Variants in GOLIM4 observed in about 807,000 individuals in gnomAD.
GOLIM4 encodes the protein 130 kDa golgi-localized phosphoprotein.
In GOLIM4, 71 loss-of-function variants were observed where a neutral mutation model predicts 107.4. The observed-to-expected ratio is 0.66, with a 90% CI of 0.55 to 0.81. GOLIM4 has a LOEUF of 0.81. Among genes scored for constraint, GOLIM4 ranks in the 30% least tolerant of loss-of-function variants. GOLIM4 has a pLI of 0.00. For missense variants in GOLIM4, 830 were observed against 826.1 expected, an observed-to-expected ratio of 1.00 and a Z score of -0.06; for synonymous variants, 327 against 294.8, an observed-to-expected ratio of 1.11 and a Z score of -1.12.
intron 14 of GOLIM4, among the ~76,000 whole-genome samples, chr3:168,024,060 G>A (rs1300713407): frequency 2.0e-5 from 3 of 152,188 alleles, no homozygotes; most frequent in Non-Finnish European, 4.4e-5. Flanking sequence ...GAGGCCAGAA[G>A]GAGAGACTGT....
intron 1 of GOLIM4, among the ~76,000 whole-genome samples, chr3:168,067,513 TAAA>T (rs201207512): frequency 1.5e-5 from 2 of 135,726 alleles, no homozygotes; most frequent in Non-Finnish European, 1.6e-5. Flanking sequence ...TGCCTTTAAT[TAAA>T]AAAAAAAAAA....
chr3:168,060,818 G>C (rs1720226852), intron 1 of GOLIM4, among the ~76,000 whole-genome samples: 1 of 152,142 alleles, frequency 6.6e-6, no homozygotes, highest in Non-Finnish European at 1.5e-5. Flanking sequence ...TTTTCTAGGG[G>C]AGTTTTGTCA....
In GOLIM4 at chr3:168,032,718, T is replaced by C. The variant is rs1360200002; in HGVS notation, c.978A>G (p.Glu326=). The change falls in exon 9 of 16, where the codon GAA becomes GAG. Residue 326 remains glutamate, a synonymous_variant. Transcript: ENST00000470487. ...APPEPIQQEV[E]RREPEEHQVE... ...CCTGATGCTCCTCAGGTTCTCTGCG[T>C]TCCACTTCTTGTTGGATTGGCTCTG... 2.9e-5 allele frequency: 47 copies of C among 1,614,032 alleles called. No homozygotes were observed. The highest frequency in any genetic ancestry group is 3.8e-5 in the Non-Finnish European group (45 of 1,180,038).
intron 1 of GOLIM4, among the ~76,000 whole-genome samples, chr3:168,065,317 G>T (rs928219954): frequency 6.6e-6 from 1 of 152,178 alleles, no homozygotes; most frequent in African/African-American, 2.4e-5. Flanking sequence ...AGTAAGAGAG[G>T]AAAGATTCAG....
At chr3:168,077,764 A>AT (rs1007832674) in intron 1 of GOLIM4, among the ~76,000 whole-genome samples, 5 of 152,164 alleles carry the variant, frequency 3.3e-5, no homozygotes, top group Non-Finnish European at 5.9e-5. Flanking sequence ...CAGAATGAGA[A>AT]TTTTTTTAAT....
chr3:168,029,673 A>G, intron 10 of GOLIM4, 107 bp downstream of exon 10: 1 of 1,271,804 alleles, frequency 7.9e-7, no homozygotes. Flanking sequence ...TTTGAGCAAT[A>G]TGAGCCCCTT....
At chr3:168,050,790 A>T (rs1454735960) in intron 1 of GOLIM4, among the ~76,000 whole-genome samples, 2 of 150,670 alleles carry the variant, frequency 1.3e-5, no homozygotes, top group East Asian at 3.9e-4. Flanking sequence ...AGTCCCCAGT[A>T]TAGGCGGAAA....
At chr3:168,030,143 G>T (rs1256291213) in intron 9 of GOLIM4, 107 bp from the exon 10 acceptor site, 3 of 1,091,670 alleles carry the variant, frequency 2.7e-6, no homozygotes, top group African/African-American at 1.6e-5. Flanking sequence ...GTTTATTAAC[G>T]ACTATTTGTC....
At chr3:168,043,645 G>T in intron 4 of GOLIM4, 116 bp from the exon 5 acceptor site, 1 of 705,600 alleles carries the variant, frequency 1.4e-6, no homozygotes, top group South Asian at 2.7e-5. Context: ...AACACATGAA[G>T]AAATAGGCTT....
chr3:168,060,135 A>G (rs1720183405), intron 1 of GOLIM4, among the ~76,000 whole-genome samples: 1 of 150,164 alleles, frequency 6.7e-6, no homozygotes, highest in African/African-American at 2.5e-5. Context: ...GGGTCTCACT[A>G]TGTTGCCTAG....
chr3:168,044,164 C>T (rs1242228043), intron 4 of GOLIM4, among the ~76,000 whole-genome samples: 10 of 152,124 alleles, frequency 6.6e-5, no homozygotes. Context: ...AGAAAAGATT[C>T]CGGTTTCAAT....
intron 6 of GOLIM4, 142 bp from the exon 7 acceptor site, chr3:168,041,011 G>A (rs367768632): frequency 5.4e-5 from 33 of 609,422 alleles, no homozygotes; most frequent in African/African-American, 3.1e-4. Flanking sequence ...AAAAATCATC[G>A]TAGAGAGAAC....
chr3:168,024,857 C>A (rs1252570453), intron 13 of GOLIM4, 71 bp downstream of exon 13: 7 of 1,459,512 alleles, frequency 4.8e-6, no homozygotes, highest in Admixed American at 1.7e-5. Flanking sequence ...ATATGACTAA[C>A]CTTTTACATA....
chr3:168,010,085 C>A lies in GOLIM4; in HGVS notation c.*184G>T. On this transcript the variant is annotated 3_prime_UTR_variant, in exon 16 of 16. Transcript: ENST00000470487. ...ATGTTTAGCTTGAATATAAAAGAAG[C>A]TCTAGACCTACGTTATCAAAATATA... 1 of 466,996 alleles carries A rather than the reference C, an allele frequency of 2.1e-6. No individual in the cohort carries two copies. Among genetic ancestry groups the A allele is most frequent in the Non-Finnish European group, 3.7e-6 (1 of 269,960 alleles). The allele number at this position is 466,996 out of a possible 1,614,324, so 28.9% of individuals were successfully genotyped here.
intron 1 of GOLIM4, among the ~76,000 whole-genome samples, chr3:168,060,094 TAG>T (rs993802380): frequency 1.4e-5 from 2 of 142,860 alleles, no homozygotes; most frequent in African/African-American, 2.9e-5. Flanking sequence ...TGGGAACCAT[TAG>T]AGAGTTTTTT....
intron 1 of GOLIM4, among the ~76,000 whole-genome samples, chr3:168,084,024 GGCTCTGAGTTGTAATTCCCAATGTT>G (rs1341630465): frequency 6.6e-6 from 1 of 152,122 alleles, no homozygotes; most frequent in African/African-American, 2.4e-5. Context: ...GATATGGTTT[GGCTCTGAGTTGTAATTCCCAATGTT>G]GCAGGAGAGG....
intron 1 of GOLIM4, 110 bp downstream of exon 1, chr3:168,094,989 G>A: frequency 1.3e-6 from 1 of 769,880 alleles, no homozygotes; most frequent in South Asian, 1.8e-5. Context: ...GTCCCTGAAG[G>A]TCAGAGGTGG....
In GOLIM4 at chr3:168,052,938, T is replaced by C. The variant is rs148125687; in HGVS notation, c.188-4573A>G. 1.2e-3 allele frequency among the ~76,000 whole-genome samples: 179 copies of C among 152,304 alleles called. 1 individual carries two copies. The highest frequency in any genetic ancestry group is 4.0e-3 in the East Asian group (21 of 5,186). ...CAATCTCAGCAGTCAAGATCTTTAA[T>C]GCAGAATAACACTGCAACAGGAATA... On this transcript the variant is annotated intron_variant, in intron 1 of 15. Transcript: ENST00000470487.
chr3:168,064,753 A>C (rs370183648), intron 1 of GOLIM4, among the ~76,000 whole-genome samples: 2 of 152,204 alleles, frequency 1.3e-5, no homozygotes, highest in African/African-American at 4.8e-5. Flanking sequence ...ATTTTTAAAG[A>C]AGCACAGTAA....
Sources: allele counts gnomAD v4.1 joint callset (sites outside exome capture counted in the v4.1 genomes callset), GRCh38; gene constraint gnomAD v4.1.1; transcripts MANE v1.5; gene names NCBI Gene and HGNC (gene_info 2026-07-23, HGNC 2026-07-21).